The following CREB5 variants were observed in gnomAD, a reference collection of about 807,000 sequenced individuals.
CREB5 encodes cyclic AMP-responsive element-binding protein 5.
In CREB5, 19 loss-of-function variants were observed where a neutral mutation model predicts 57.1. That is an observed-to-expected ratio of 0.33 (90% CI 0.23 to 0.49). The LOEUF (loss-of-function observed/expected upper bound fraction) is 0.49. CREB5 is among the 20% of genes least tolerant of loss of function. The pLI is 0.99. For missense variants in CREB5, 579 were observed against 671.6 expected (o/e 0.86, Z 1.52); for synonymous variants, 238 against 238.3 (o/e 1.00, Z 0.01).
chr7:28,674,735 A>G (rs1165409744), intron 5 of CREB5, among the ~76,000 whole-genome samples: 1 of 152,182 alleles, frequency 6.6e-6, no homozygotes, highest in African/African-American at 2.4e-5. Flanking sequence ...ACTATTGCAA[A>G]ATATCTTACC....
intron 4 of CREB5, among the ~76,000 whole-genome samples, chr7:28,552,609 C>G (rs1045130579): frequency 6.6e-6 from 1 of 152,222 alleles, no homozygotes; most frequent in African/African-American, 2.4e-5. Flanking sequence ...CCTTGACGCT[C>G]TTTAGCCCCA....
intron 5 of CREB5, among the ~76,000 whole-genome samples, chr7:28,717,636 C>T (rs1156998999): frequency 6.6e-6 from 1 of 152,154 alleles, no homozygotes; most frequent in Non-Finnish European, 1.5e-5. Flanking sequence ...CTGTCTGCAA[C>T]CTTTGCCCAG....
In CREB5 at chr7:28,662,719, A is replaced by C. The variant is rs536800580; in HGVS notation, c.465-56034A>C. 2.6e-5 allele frequency among the ~76,000 whole-genome samples: 4 copies of C among 152,282 alleles called. No individual in the cohort carries two copies. In the South Asian group the frequency reaches 8.3e-4, roughly 32 times the overall value. ...TTCCGTCTCTGTTTCTCTCCCCAGGAAGGATAAGAAAGGGCAAAAAAGCTT... is the reference window on the plus strand; with the variant it reads ...TTCCGTCTCTGTTTCTCTCCCCAGGCAGGATAAGAAAGGGCAAAAAAGCTT... On this transcript the variant is annotated intron_variant, in intron 5 of 10. Transcript: ENST00000357727.
At chr7:28,683,214 A>G (rs1243470404) in intron 5 of CREB5, among the ~76,000 whole-genome samples, 2 of 152,160 alleles carry the variant, frequency 1.3e-5, no homozygotes, top group Non-Finnish European at 2.9e-5. Flanking sequence ...TGGGTGAAAA[A>G]GGAATCTCTT....
chr7:28,572,002 G>A (rs1201782001), intron 5 of CREB5, among the ~76,000 whole-genome samples: 1 of 152,174 alleles, frequency 6.6e-6, no homozygotes, highest in Non-Finnish European at 1.5e-5. Context: ...CTTAGAAACT[G>A]CTCCACAATT....
intron 4 of CREB5, 40 bp downstream of exon 4, chr7:28,507,777 T>A (rs1792544151): frequency 6.4e-7 from 1 of 1,561,732 alleles, no homozygotes; most frequent in Admixed American, 1.8e-5. Flanking sequence ...GGTGTCCTGC[T>A]AGAAACTTCC....
intron 5 of CREB5, among the ~76,000 whole-genome samples, chr7:28,694,582 G>T (rs1219530536): frequency 6.6e-6 from 1 of 152,118 alleles, no homozygotes; most frequent in African/African-American, 2.4e-5. Context: ...TAGCGACAGG[G>T]TCTCGCTTTG....
chr7:28,342,790 G>A lies in CREB5; in HGVS notation c.-25+43349G>A, dbSNP rs138151389. Among the ~76,000 whole-genome samples, 821 of 152,222 alleles carry A rather than the reference G, an allele frequency of 5.4e-3. 8 individuals are homozygous for A. The highest frequency in any genetic ancestry group is 0.019 in the African/African-American group (778 of 41,536). ...TTTTAAAAACTGACACATAATAATT[G>A]TACATATTGATATGGTACAATGTGA... On this transcript the variant is annotated intron_variant, in intron 1 of 9. Transcript: ENST00000396299.
At chr7:28,346,635 C>G (rs1562667541) in intron 1 of CREB5, among the ~76,000 whole-genome samples, 1 of 152,198 alleles carries the variant, frequency 6.6e-6, no homozygotes, top group Non-Finnish European at 1.5e-5. Context: ...AGGAATCAGG[C>G]CTTTGTACCC....
intron 5 of CREB5, among the ~76,000 whole-genome samples, chr7:28,702,230 A>G (rs1433029705): frequency 2.0e-5 from 3 of 152,232 alleles, no homozygotes; most frequent in Admixed American, 6.5e-5. Flanking sequence ...GGAATTTTAT[A>G]TAAAAGTTAT....
chr7:28,633,993 C>T (rs1432066662), intron 5 of CREB5, among the ~76,000 whole-genome samples: 1 of 152,182 alleles, frequency 6.6e-6, no homozygotes, highest in Non-Finnish European at 1.5e-5. Flanking sequence ...AAACTTTAGC[C>T]TGTCTTCTTG....
chr7:28,663,625 G>A (rs555316317), intron 5 of CREB5, among the ~76,000 whole-genome samples: 32 of 152,280 alleles, frequency 2.1e-4, no homozygotes, highest in South Asian at 1.2e-3. Flanking sequence ...TTTCTACATG[G>A]AAGTATCAGA....
Position 28,368,179 on chromosome 7 carries a change from TG to T in CREB5, c.-25+68743del, listed in dbSNP as rs1339526428. Among the ~76,000 whole-genome samples the T allele has an allele frequency of 3.9e-5, 6 of 152,128 alleles. 1 individual carries two copies. The East Asian group carries it at 1.2e-3, about 29-fold the overall frequency. On this transcript the variant is annotated intron_variant, in intron 1 of 9. Coordinates refer to the CREB5 transcript ENST00000396299. ...AATACCGCATGTTCTCACTTATAAG[TG>T]GGGGCTAAGCTATGGATGTGCAGGG...
intron 1 of CREB5, among the ~76,000 whole-genome samples, chr7:28,355,031 A>T (rs1262411325): frequency 6.6e-6 from 1 of 152,244 alleles, no homozygotes; most frequent in Non-Finnish European, 1.5e-5. Context: ...CTCTGGTTTA[A>T]GCCACTGTTG....
chr7:28,360,708 C>G (rs1427087400), intron 1 of CREB5, among the ~76,000 whole-genome samples: 1 of 151,936 alleles, frequency 6.6e-6, no homozygotes, highest in East Asian at 1.9e-4. Flanking sequence ...ACTTTGTGCC[C>G]CATAAATATA....
At chr7:28,685,894 T>G (rs1343746792) in intron 5 of CREB5, 4 of 414,980 alleles carry the variant, frequency 9.6e-6, no homozygotes, top group Non-Finnish European at 1.7e-5. Flanking sequence ...CATTGAAGTT[T>G]TTGCTTCAGT....
intron 7 of CREB5, among the ~76,000 whole-genome samples, chr7:28,792,583 C>T (rs942059796): frequency 6.6e-6 from 1 of 152,214 alleles, no homozygotes; most frequent in African/African-American, 2.4e-5. Context: ...TCTAGACACA[C>T]ACACGGCCAG....
chr7:28,406,675 A>G (rs1252995070), intron 1 of CREB5, among the ~76,000 whole-genome samples: 2 of 152,210 alleles, frequency 1.3e-5, no homozygotes, highest in East Asian at 3.8e-4. Context: ...CAGTGGAGGC[A>G]CCCTTAGAGA....
chr7:28,695,944 A>G (rs1801536417), intron 5 of CREB5, among the ~76,000 whole-genome samples: 2 of 152,206 alleles, frequency 1.3e-5, no homozygotes, highest in Admixed American at 6.5e-5. Context: ...TGATTCTGAA[A>G]AAAAAGAGAG....
Sources: allele counts gnomAD v4.1 joint callset (sites outside exome capture counted in the v4.1 genomes callset), GRCh38; gene constraint gnomAD v4.1.1; transcripts MANE v1.5; gene names NCBI Gene and HGNC (gene_info 2026-07-23, HGNC 2026-07-21).